Variants in TSPAN14 observed in about 807,000 individuals in gnomAD.
TSPAN14 encodes the protein tetraspanin 14, also known as tetraspanin-14.
A neutral mutation model predicts 36.6 loss-of-function variants in TSPAN14; 16 were observed. The ratio of observed to expected loss-of-function variants is 0.44; its 90% confidence interval spans 0.30 to 0.66. The LOEUF (loss-of-function observed/expected upper bound fraction) is 0.66. Among genes scored for constraint, TSPAN14 ranks in the 30% least tolerant of loss-of-function variants. The pLI is 0.12. For synonymous variants in TSPAN14, 139 were observed against 143.8 expected (o/e 0.97, Z 0.24); for missense variants, 231 against 355.1 (o/e 0.65, Z 2.81).
chr10:80,513,870 A>G (rs1394902490), intron 6 of TSPAN14, 149 bp from the exon 7 acceptor site: 25 of 688,844 alleles, frequency 3.6e-5, no homozygotes, highest in Non-Finnish European at 6.4e-5. Context: ...CCTGGTCTGA[A>G]GGATTAGTTG....
intron 1 of TSPAN14, among the ~76,000 whole-genome samples, chr10:80,455,984 T>G (rs1464393680): frequency 6.6e-6 from 1 of 152,148 alleles, no homozygotes; most frequent in Non-Finnish European, 1.5e-5. Context: ...CAACTTCAGT[T>G]GGAGACTCTG....
At position 80,509,248 on chromosome 10, in the gene TSPAN14, G is replaced by T. The variant is rs2132051238; in HGVS notation, c.280-53G>T. ...TGGGTCAGGTGGGGTTATGTGTGTG[G>T]GGGTGCAGGCTGGTGGGGTGGTGAC... is the stretch of plus-strand genomic sequence containing the variant. On this transcript the variant is annotated intron_variant, in intron 4 of 8. Coordinates refer to ENST00000429989, the Ensembl canonical transcript of TSPAN14. The surrounding 1 kb of genome is among the most constrained non-coding windows in gnomAD (Gnocchi z 4.7). 1 of 1,575,852 alleles carries T rather than the reference G, an allele frequency of 6.3e-7. No homozygotes were observed. Among genetic ancestry groups the T allele is most frequent in the Admixed American group, 1.7e-5 (1 of 58,726 alleles).
intron 2 of TSPAN14, among the ~76,000 whole-genome samples, chr10:80,500,351 C>T (rs181422252): frequency 0.053 from 2,843 of 53,486 alleles, 51 homozygotes; most frequent in Non-Finnish European, 0.07. Flanking sequence ...TTTTTTGAGA[C>T]GAAGTTTTGC....
intron 2 of TSPAN14, among the ~76,000 whole-genome samples, chr10:80,491,260 C>A (rs968608484): frequency 2.0e-5 from 3 of 152,164 alleles, no homozygotes; most frequent in Non-Finnish European, 4.4e-5. Context: ...GCCTCTGGGT[C>A]CCTCTTAATG....
At chr10:80,468,289 C>T (rs568407307) in intron 1 of TSPAN14, among the ~76,000 whole-genome samples, 233 of 152,258 alleles carry the variant, frequency 1.5e-3, no homozygotes, top group African/African-American at 4.9e-3. Context: ...GTGTTTCTGC[C>T]GGCACGAACA....
intron 1 of TSPAN14, among the ~76,000 whole-genome samples, chr10:80,472,138 A>T (rs771968542): frequency 5.9e-5 from 9 of 152,170 alleles, no homozygotes; most frequent in Non-Finnish European, 1.2e-4. Flanking sequence ...GCCCTGTCTC[A>T]AAAACGTAAA....
At chr10:80,475,520 GA>G (rs928029654) in intron 1 of TSPAN14, among the ~76,000 whole-genome samples, 1 of 152,086 alleles carries the variant, frequency 6.6e-6, no homozygotes, top group African/African-American at 2.4e-5. Flanking sequence ...TCTAAAAAGA[GA>G]AAAAAAGTTT....
At chr10:80,498,240 G>C (rs1481321426) in intron 2 of TSPAN14, among the ~76,000 whole-genome samples, 1 of 152,174 alleles carries the variant, frequency 6.6e-6, no homozygotes, top group Non-Finnish European at 1.5e-5. Context: ...TCTTATTCTG[G>C]AGAGTACCAG....
chr10:80,496,366 G>C (rs190982790), intron 2 of TSPAN14, among the ~76,000 whole-genome samples: 4 of 152,152 alleles, frequency 2.6e-5, no homozygotes, highest in African/African-American at 9.6e-5. Context: ...AAAATAGTTC[G>C]CATATGCATA....
chr10:80,467,124 T>C (rs1018961213), intron 1 of TSPAN14, among the ~76,000 whole-genome samples: 1 of 151,730 alleles, frequency 6.6e-6, no homozygotes, highest in African/African-American at 2.4e-5. Context: ...TCACAAAGAG[T>C]CTTGTTTCTT....
chr10:80,521,930 AG>A (rs1412120140), exon 9 of TSPAN14: 1 of 150,896 alleles, frequency 6.6e-6, no homozygotes, highest in East Asian at 1.9e-4. Context: ...AAAAAAAAAA[AG>A]GCCCGTTCAT....
At chr10:80,485,534 C>T (rs1847539191) in intron 1 of TSPAN14, 1 of 667,042 alleles carries the variant, frequency 1.5e-6, no homozygotes, top group Admixed American at 6.3e-5. Flanking sequence ...AGTCAGAAGG[C>T]CACCTTACAC....
rs1342199496 is a variant in TSPAN14 at position 80,486,637 on chromosome 10, G to A, written c.-17-2580G>A. On this transcript the variant is annotated intron_variant, in intron 1 of 8. Transcript: ENST00000429989. ...GCACCAGCCCTCCTTAGTTCCTGAGGCCCAGCTCCCTGGAGGGCACAGCCT... is the reference window on the plus strand; with the variant it reads ...GCACCAGCCCTCCTTAGTTCCTGAGACCCAGCTCCCTGGAGGGCACAGCCT... Among the ~76,000 whole-genome samples the A allele has an allele frequency of 5.3e-5, 8 of 152,266 alleles. No homozygotes were observed. The East Asian group carries it at 1.5e-3, about 29-fold the overall frequency.
In TSPAN14 at chr10:80,479,025, C is replaced by A. The variant is rs184384211; in HGVS notation, c.-17-10192C>A. 7.4e-3 allele frequency among the ~76,000 whole-genome samples: 1,122 copies of A among 152,160 alleles called. 3 individuals are homozygous for A. Among genetic ancestry groups the A allele is most frequent in the Non-Finnish European group, 0.011 (773 of 67,970 alleles). Reference sequence around the variant, plus strand: ...GGTATCTCATTGTGGTTTTGATTTGCATTTCTCTGATGGCCAGTGATGGTG... The same window carrying A: ...GGTATCTCATTGTGGTTTTGATTTGAATTTCTCTGATGGCCAGTGATGGTG... On this transcript the variant is annotated intron_variant, in intron 1 of 8. Coordinates refer to ENST00000429989, the Ensembl canonical transcript of TSPAN14.
At chr10:80,518,548 C>G (rs1202797198) in exon 9 of TSPAN14, 1 of 157,728 alleles carries the variant, frequency 6.3e-6, no homozygotes, top group East Asian at 1.9e-4. Flanking sequence ...TTGCAGGATC[C>G]TCAGCCATGT....
In TSPAN14 at chr10:80,509,152, G is replaced by T. The variant is rs368897722; in HGVS notation, c.280-149G>T. 2 of 692,688 alleles carry T rather than the reference G, an allele frequency of 2.9e-6. No individual in the cohort carries two copies. Among genetic ancestry groups the T allele is most frequent in the East Asian group, 5.3e-5 (2 of 37,494 alleles). The allele number at this position is 692,688 out of a possible 1,614,324, so 42.9% of individuals were successfully genotyped here. ...TGCAGAGTCACCCAGCTAACTCTAAGTGTGGGGTTCTGGGGCCCCGATGTG... is the reference window on the plus strand; with the variant it reads ...TGCAGAGTCACCCAGCTAACTCTAATTGTGGGGTTCTGGGGCCCCGATGTG... On this transcript the variant is annotated intron_variant, in intron 4 of 8. Transcript: ENST00000429989. This position sits in a 1 kb window ranked among gnomAD's most constrained non-coding sequence, Gnocchi z 4.7.
At chr10:80,504,736 A>C in exon 3 of TSPAN14, 1 of 1,614,084 alleles carries the variant, frequency 6.2e-7, no homozygotes, top group Non-Finnish European at 8.5e-7. Flanking sequence ...AGTTGGCTGG[A>C]GTTGTCTTCC....
chr10:80,465,037 A>G (rs965991793), intron 1 of TSPAN14, among the ~76,000 whole-genome samples: 2 of 152,264 alleles, frequency 1.3e-5, no homozygotes, highest in South Asian at 2.1e-4. Flanking sequence ...GCCTCTGTCA[A>G]GATCCCCCTT....
exon 9 of TSPAN14, chr10:80,519,513 G>GTTTT (rs1564752029): frequency 8.7e-5 from 3 of 34,446 alleles, no homozygotes; most frequent in African/African-American, 2.5e-4. Flanking sequence ...TGTTGATGAT[G>GTTTT]ATTTTTTTTT....
Sources: gnomAD v4.1 joint callset for allele counts (sites outside exome capture counted in the v4.1 genomes callset) on GRCh38, gnomAD v4.1.1 for gene constraint, Gnocchi (gnomAD v3.1) non-coding constraint, MANE v1.5 for transcripts, NCBI Gene and HGNC (gene_info 2026-07-23, HGNC 2026-07-21) for gene names.